The following FLT1 variants were observed in gnomAD, a reference collection of about 807,000 sequenced individuals.
FLT1 encodes the protein vascular endothelial growth factor receptor 1.
In FLT1, 49 loss-of-function variants were observed where a neutral mutation model predicts 156.3. The ratio of observed to expected loss-of-function variants is 0.31; its 90% CI spans 0.25 to 0.40. The LOEUF is 0.40. Among genes scored for constraint, FLT1 ranks in the 10% least tolerant of loss-of-function variants. The probability of loss-of-function intolerance (pLI) is 1.00; values close to 1 mark genes in which losing one functional copy is unlikely to be tolerated. For missense variants in FLT1, 1,322 were observed against 1,637.2 expected (o/e 0.81, Z 3.32); for synonymous variants, 594 against 583.8 (o/e 1.02, Z -0.25).
chr13:28,368,614 T>TGACAATGGTGATGATGAC (rs1565988479), intron 14 of FLT1: 1 of 1,389,794 alleles, frequency 7.2e-7, no homozygotes, highest in Admixed American at 2.0e-5. Context: ...ATGATGATGA[T>TGACAATGGTGATGATGAC]GACAATGGTG....
intron 19 of FLT1, chr13:28,328,340 AG>A (rs1871780142): frequency 1.3e-5 from 2 of 152,326 alleles, no homozygotes; most frequent in Non-Finnish European, 2.9e-5. Context: ...AGGGTTGGGA[AG>A]GAAGTCCAGC....
At chr13:28,433,596 C>T (rs1047998502) in intron 6 of FLT1, among the ~76,000 whole-genome samples, 4 of 152,210 alleles carry the variant, frequency 2.6e-5, no homozygotes, top group African/African-American at 9.7e-5. Flanking sequence ...AGTCTACACT[C>T]TTCAAAACAA....
chr13:28,429,545 A>G (rs1393911652), intron 8 of FLT1, among the ~76,000 whole-genome samples: 2 of 152,188 alleles, frequency 1.3e-5, no homozygotes, highest in African/African-American at 4.8e-5. Flanking sequence ...AATTAGTTCA[A>G]ATAGGCCCCA....
At chr13:28,437,849 A>C (rs1878115421) in intron 4 of FLT1, among the ~76,000 whole-genome samples, 3 of 152,184 alleles carry the variant, frequency 2.0e-5, no homozygotes, top group Non-Finnish European at 2.9e-5. Context: ...CCCTGCTGAC[A>C]TTCTGTCTTC....
intron 1 of FLT1, among the ~76,000 whole-genome samples, chr13:28,473,645 AAAAGAAAGAAAG>A (rs760581592): frequency 3.8e-4 from 30 of 79,648 alleles, no homozygotes; most frequent in Non-Finnish European, 6.7e-4. Context: ...ACTATATCTC[AAAAGAAAGAAAG>A]AAAGAAAGAA....
At chr13:28,405,700 G>C (rs1593753945) in intron 11 of FLT1, 80 bp downstream of exon 11, 2 of 842,756 alleles carry the variant, frequency 2.4e-6, no homozygotes, top group Non-Finnish European at 4.1e-6. Flanking sequence ...AATTACTTCT[G>C]GTGCCAATAA....
intron 10 of FLT1, among the ~76,000 whole-genome samples, chr13:28,416,653 G>A (rs1031759822): frequency 1.3e-5 from 2 of 152,126 alleles, no homozygotes; most frequent in Non-Finnish European, 2.9e-5. Flanking sequence ...ACACCACATA[G>A]GTAAATGCTT....
chr13:28,434,415 AG>A (rs374041895), intron 4 of FLT1, among the ~76,000 whole-genome samples, 195 bp from the exon 5 acceptor site: 129 of 152,372 alleles, frequency 8.5e-4, no homozygotes, highest in African/African-American at 2.4e-3. Context: ...ATATAGCAAA[AG>A]ATATTTGCAT....
chr13:28,385,682 G>A (rs1028717002), intron 13 of FLT1: 6 of 983,772 alleles, frequency 6.1e-6, no homozygotes, highest in South Asian at 9.6e-5. Context: ...TACAAATATT[G>A]TATTTTATAT....
At chr13:28,337,521 C>T (rs1029545639) in intron 17 of FLT1, among the ~76,000 whole-genome samples, 1 of 152,194 alleles carries the variant, frequency 6.6e-6, no homozygotes, top group Non-Finnish European at 1.5e-5. Context: ...GAGTGTACCT[C>T]GGGGCCTTGC....
intron 14 of FLT1, chr13:28,368,037 T>G (rs1873366178): frequency 2.5e-6 from 1 of 407,876 alleles, no homozygotes; most frequent in Non-Finnish European, 3.3e-6. Context: ...GATTATGTGT[T>G]GCTTATTTTC....
At position 28,301,952 on chromosome 13, in the gene FLT1, A is replaced by G. The variant is rs1339273258; in HGVS notation, c.*1215T>C. The G allele has an allele frequency of 4.3e-6, 1 of 233,604 alleles. No individual in the cohort carries two copies. Among genetic ancestry groups the G allele is most frequent in the South Asian group, 1.8e-4 (1 of 5,536 alleles). 14.5% of individuals were successfully genotyped at this position (233,604 alleles called of 1,614,324 possible). On this transcript the variant is annotated 3_prime_UTR_variant, in exon 30 of 30. Coordinates refer to ENST00000282397, the MANE Select transcript of FLT1 (RefSeq NM_002019.4). ...AATATGCGCCAGCTAATGCTCTTCCACATCCTTTCAGATTAGTGTGAGATA... is the reference window on the plus strand; with the variant it reads ...AATATGCGCCAGCTAATGCTCTTCCGCATCCTTTCAGATTAGTGTGAGATA...
At chr13:28,318,987 A>T (rs1309842616) in intron 24 of FLT1, among the ~76,000 whole-genome samples, 1 of 152,206 alleles carries the variant, frequency 6.6e-6, no homozygotes, top group Non-Finnish European at 1.5e-5. Context: ...GTTTCTAACA[A>T]CACCTTCCTC....
intron 15 of FLT1, among the ~76,000 whole-genome samples, chr13:28,356,245 G>A (rs1055313485): frequency 6.6e-6 from 1 of 152,192 alleles, no homozygotes; most frequent in African/African-American, 2.4e-5. Flanking sequence ...GGGAAATGAC[G>A]TTTGCTCTGA....
At chr13:28,420,507 A>C (rs1388068193) in intron 10 of FLT1, among the ~76,000 whole-genome samples, 1 of 152,202 alleles carries the variant, frequency 6.6e-6, no homozygotes, top group African/African-American at 2.4e-5. Flanking sequence ...AATGTGATCA[A>C]TATTAAAACA....
chr13:28,413,224 G>A lies in FLT1; in HGVS notation c.1437-7330C>T, dbSNP rs142550144. Among the ~76,000 whole-genome samples, 9 of 152,248 alleles carry A rather than the reference G, an allele frequency of 5.9e-5. No individual in the cohort carries two copies. The East Asian group carries it at 7.7e-4, about 13-fold the overall frequency. ...TTTAGATAAGAGCTTTTCCGTGAGC[G>A]TCTTGGCTCATGCTGCTTCCTGCTC... On this transcript the variant is annotated intron_variant, in intron 10 of 29. Coordinates refer to ENST00000282397, the MANE Select transcript of FLT1 (RefSeq NM_002019.4).
At position 28,427,201 on chromosome 13, in the gene FLT1, T is replaced by C. The variant is rs767105912; in HGVS notation, c.1394A>G (p.Lys465Arg). ...TAYGIPQPTIKWFWHPCNHNH... is the reference protein window; with the variant it reads ...TAYGIPQPTIRWFWHPCNHNH... ...ATGGTTACAGGGGTGCCAGAACCAC[T>C]TGATTGTAGGTTGAGGGATACCATA... The change falls in exon 10 of 30, where the codon AAG (lysine) becomes AGG (arginine). Residue 465 changes from lysine to arginine, a missense_variant. Lys to Arg is a conservative substitution (Grantham distance 26, BLOSUM62 2). This residue lies in a region of FLT1 where 991 missense variants were observed against 1,254.8 expected (regional missense o/e 0.79). Transcript: ENST00000282397. 1 of 1,614,096 alleles carries C rather than the reference T, an allele frequency of 6.2e-7. No homozygotes were observed. Among genetic ancestry groups the C allele is most frequent in the East Asian group, 2.2e-5 (1 of 44,876 alleles).
At chr13:28,473,823 A>AAAGAAAGG (rs1880379464) in intron 1 of FLT1, among the ~76,000 whole-genome samples, 1 of 118,672 alleles carries the variant, frequency 8.4e-6, no homozygotes, top group Admixed American at 8.9e-5. Context: ...AGAAAGAAAG[A>AAAGAAAGG]AAGAAAGAAA....
At chr13:28,494,395 CCTCTGGGAATGGG>C (rs1326860538) in intron 1 of FLT1, among the ~76,000 whole-genome samples, 2 of 152,338 alleles carry the variant, frequency 1.3e-5, no homozygotes, top group Non-Finnish European at 2.9e-5. Flanking sequence ...TGCCCCAGGT[CCTCTGGGAATGGG>C]CTCTGGGTGC....
Sources: allele counts gnomAD v4.1 joint callset (sites outside exome capture counted in the v4.1 genomes callset), GRCh38; gene constraint gnomAD v4.1.1; regional missense constraint gnomAD v4.1.1; transcripts MANE v1.5; gene names NCBI Gene and HGNC (gene_info 2026-07-23, HGNC 2026-07-21).